MRPS28: variants seen among roughly 807,000 people sequenced by gnomAD.
MRPS28 encodes small ribosomal subunit protein bS1m.
A neutral mutation model predicts 10.8 loss-of-function variants in MRPS28; 7 were observed. The ratio of observed to expected loss-of-function variants is 0.65; its 90% CI spans 0.37 to 1.22. The LOEUF is 1.22. Among genes scored for constraint, MRPS28 ranks in the 50% most tolerant of loss-of-function variants. MRPS28 has a pLI of 0.02. For synonymous variants in MRPS28, 121 were observed against 93.3 expected (o/e 1.30, Z -1.71); for missense variants, 265 against 232.9 (o/e 1.14, Z -0.90).
At chr8:80,002,975 G>T in intron 2 of MRPS28, 24 bp downstream of exon 2, 1 of 1,518,836 alleles carries the variant, frequency 6.6e-7, no homozygotes, top group East Asian at 2.3e-5. Context: ...TACTCTTAAG[G>T]TACTTGGAAA....
At chr8:80,025,897 A>G (rs1809482925) in intron 1 of MRPS28, among the ~76,000 whole-genome samples, 1 of 152,236 alleles carries the variant, frequency 6.6e-6, no homozygotes. Flanking sequence ...CAGTATTCAT[A>G]CTACGAACCA....
chr8:80,009,937 C>T (rs1808985888), intron 1 of MRPS28, among the ~76,000 whole-genome samples: 1 of 152,112 alleles, frequency 6.6e-6, no homozygotes, highest in South Asian at 2.1e-4. Context: ...AATTAAGAGC[C>T]TTTCATCACA....
intron 2 of MRPS28, among the ~76,000 whole-genome samples, chr8:79,990,716 G>A (rs976161749): frequency 1.3e-5 from 2 of 151,940 alleles, no homozygotes; most frequent in Admixed American, 6.6e-5. Context: ...TGGGATAGGC[G>A]CAGTGGCTCA....
intron 2 of MRPS28, among the ~76,000 whole-genome samples, chr8:79,960,654 G>A (rs1187643020): frequency 1.3e-5 from 2 of 151,960 alleles, no homozygotes; most frequent in Non-Finnish European, 2.9e-5. Context: ...TATTAGTTAG[G>A]ATTTAAAGAA....
At chr8:80,026,551 G>A (rs914022150) in intron 1 of MRPS28, among the ~76,000 whole-genome samples, 1 of 152,132 alleles carries the variant, frequency 6.6e-6, no homozygotes, top group African/African-American at 2.4e-5. Context: ...AATATTTACC[G>A]AGTGCCCACT....
At chr8:80,026,768 T>C (rs897541085) in intron 1 of MRPS28, among the ~76,000 whole-genome samples, 1 of 152,236 alleles carries the variant, frequency 6.6e-6, no homozygotes, top group Non-Finnish European at 1.5e-5. Context: ...ATGTGCATGG[T>C]TGTTTTCTGG....
intron 2 of MRPS28, among the ~76,000 whole-genome samples, chr8:79,962,195 T>C (rs1431663235): frequency 6.6e-6 from 1 of 151,930 alleles, no homozygotes; most frequent in African/African-American, 2.4e-5. Context: ...GTAGTAGTTT[T>C]ATATTATTCG....
chr8:80,022,963 A>G (rs1247972702), intron 1 of MRPS28, among the ~76,000 whole-genome samples: 2 of 152,218 alleles, frequency 1.3e-5, no homozygotes, highest in Non-Finnish European at 2.9e-5. Context: ...CATACAGAAC[A>G]TATACATCTT....
chr8:80,028,649 C>CGGGGGGGGGGGGGGGGGGGGGGG (rs1391638801), intron 1 of MRPS28: 2 of 4,542 alleles, frequency 4.4e-4, no homozygotes, highest in Non-Finnish European at 8.6e-4. Context: ...AGAAGACGGG[C>CGGGGGGGGGGGGGGGGGGGGGGG]GGGGGGGGCG....
At chr8:80,029,555 C>T (rs1274222959) in intron 1 of MRPS28, among the ~76,000 whole-genome samples, 1 of 152,096 alleles carries the variant, frequency 6.6e-6, no homozygotes, top group East Asian at 1.9e-4. Flanking sequence ...ATCACTTGCC[C>T]AAGTTCAGAA....
At chr8:79,966,064 G>A (rs943855338) in intron 2 of MRPS28, among the ~76,000 whole-genome samples, 5 of 151,858 alleles carry the variant, frequency 3.3e-5, no homozygotes, top group African/African-American at 1.2e-4. Flanking sequence ...ATTGACCAAA[G>A]GTTCTCCTAA....
intron 1 of MRPS28, among the ~76,000 whole-genome samples, chr8:80,004,029 C>T (rs1036807581): frequency 6.6e-6 from 1 of 152,234 alleles, no homozygotes; most frequent in Non-Finnish European, 1.5e-5. Flanking sequence ...TCAAGGAGGC[C>T]TGCCTGCCTC....
At chr8:80,020,364 T>C (rs542692676) in intron 1 of MRPS28, among the ~76,000 whole-genome samples, 1 of 152,272 alleles carries the variant, frequency 6.6e-6, no homozygotes, top group African/African-American at 2.4e-5. Context: ...TGCACTAGTT[T>C]TTCAGGTTAA....
At chr8:79,952,547 T>C (rs556542317) in intron 2 of MRPS28, among the ~76,000 whole-genome samples, 2 of 152,300 alleles carry the variant, frequency 1.3e-5, no homozygotes, top group African/African-American at 2.4e-5. Context: ...GCCCCTCAAA[T>C]GGGCTGGAAC....
chr8:79,943,008 C>G (rs1410130374), intron 2 of MRPS28, among the ~76,000 whole-genome samples: 1 of 152,226 alleles, frequency 6.6e-6, no homozygotes, highest in Non-Finnish European at 1.5e-5. Flanking sequence ...GTATTTCACT[C>G]CAAGTGGTCA....
chr8:79,979,943 A>AAAAAG (rs1807910645), intron 2 of MRPS28, among the ~76,000 whole-genome samples: 1 of 146,630 alleles, frequency 6.8e-6, no homozygotes, highest in African/African-American at 2.6e-5. Flanking sequence ...AAAAAAAAAA[A>AAAAAG]GTCTCTATCT....
intron 2 of MRPS28, among the ~76,000 whole-genome samples, chr8:79,955,007 A>T (rs2129982947): frequency 6.6e-6 from 1 of 152,020 alleles, no homozygotes; most frequent in Admixed American, 6.6e-5. Flanking sequence ...TTAGAAAAAA[A>T]AAAGAATATT....
chr8:80,023,798 C>T (rs957353544), intron 1 of MRPS28, among the ~76,000 whole-genome samples: 2 of 152,254 alleles, frequency 1.3e-5, no homozygotes, highest in Non-Finnish European at 1.5e-5. Flanking sequence ...CTTGTGGCTA[C>T]GAGATGAGTT....
chr8:79,936,164 C>T (rs1408488784), intron 2 of MRPS28, among the ~76,000 whole-genome samples: 1 of 151,342 alleles, frequency 6.6e-6, no homozygotes, highest in Non-Finnish European at 1.5e-5. Context: ...CTGGGCAACA[C>T]AAAAAATTTA....
Sources: allele counts gnomAD v4.1 joint callset (sites outside exome capture counted in the v4.1 genomes callset), GRCh38; gene constraint gnomAD v4.1.1; transcripts MANE v1.5; gene names NCBI Gene and HGNC (gene_info 2026-07-23, HGNC 2026-07-21).